Variants in ZNF37A observed in about 807,000 individuals in gnomAD.
The protein encoded by ZNF37A is zinc finger protein 37A.
Under a neutral mutation model 12.3 loss-of-function variants are expected in ZNF37A, and 10 were observed. The ratio of observed to expected loss-of-function variants is 0.82; its 90% CI spans 0.50 to 1.38. The LOEUF (loss-of-function observed/expected upper bound fraction) is 1.38, where lower values mean the gene tolerates loss of function less well. ZNF37A is among the 40% of genes most tolerant of loss of function. ZNF37A has a pLI of 0.00. For missense variants in ZNF37A, 580 were observed against 651.2 expected (o/e 0.89, Z 1.19); for synonymous variants, 207 against 223.0 (o/e 0.93, Z 0.64).
intron 5 of ZNF37A, among the ~76,000 whole-genome samples, chr10:38,112,767 T>TGGTC (rs1362946429): frequency 1.6e-5 from 1 of 63,104 alleles, no homozygotes; most frequent in African/African-American, 5.6e-5. Flanking sequence ...TTTCTTTTCT[T>TGGTC]TTCTTTTCTT....
rs2069473866 is a variant in ZNF37A, at chr10:38,118,467, A to T, written c.1316A>T (p.Tyr439Phe). ...AGAACTCACACAGGTGAGAAACCTT[A>T]TGAATGTATTCAGTGTGGAAAATTT... ...HLRTHTGEKPYECIQCGKFFC... is the reference protein window; with the variant it reads ...HLRTHTGEKPFECIQCGKFFC... The change falls in exon 8 of 8, where the codon TAT becomes TTT. Residue 439 changes from tyrosine (Y) to phenylalanine (F), a missense_variant. Tyr to Phe is a conservative substitution (Grantham distance 22, BLOSUM62 3). Transcript: ENST00000685332. 1.9e-6 allele frequency: 3 copies of T among 1,614,084 alleles called. No individual in the cohort carries two copies. Among genetic ancestry groups the T allele is most frequent in the Middle Eastern group, 1.7e-4 (1 of 6,060 alleles).
chr10:38,120,300 A>G lies in ZNF37A; in HGVS notation c.*1463A>G, dbSNP rs1428043241. 1 of 152,048 alleles carries G rather than the reference A, an allele frequency of 6.6e-6. No individual in the cohort carries two copies. The highest frequency in any genetic ancestry group is 1.5e-5 in the Non-Finnish European group (1 of 68,012). The allele number at this position is 152,048 out of a possible 1,614,324, so 9.4% of individuals were successfully genotyped here. On this transcript the variant is annotated 3_prime_UTR_variant, in exon 8 of 8. Coordinates refer to ENST00000685332, the MANE Select transcript of ZNF37A (RefSeq NM_001324250.3). Reference sequence around the variant, plus strand: ...AAAAATTAGCCGGGCATGGTGGTGCACATCGGTAGTCCTGGCTACTAGAGA... The same window carrying G: ...AAAAATTAGCCGGGCATGGTGGTGCGCATCGGTAGTCCTGGCTACTAGAGA...
At chr10:38,100,640 C>G (rs762689372) in intron 5 of ZNF37A, among the ~76,000 whole-genome samples, 1 of 152,146 alleles carries the variant, frequency 6.6e-6, no homozygotes, top group Non-Finnish European at 1.5e-5. Context: ...TTGCTGTTAT[C>G]CTGTTCTTTT....
chr10:38,129,363 G>A (rs956891639), downstream of ZNF37A, among the ~76,000 whole-genome samples: 3 of 143,910 alleles, frequency 2.1e-5, no homozygotes, highest in Admixed American at 2.2e-4. Flanking sequence ...AGGTTCAGGG[G>A]TATATGTGCA....
chr10:38,103,686 A>C (rs2067784019), intron 5 of ZNF37A, among the ~76,000 whole-genome samples: 1 of 152,130 alleles, frequency 6.6e-6, no homozygotes, highest in Non-Finnish European at 1.5e-5. Context: ...TTTCCTCAGA[A>C]TTTGTTGTTG....
intron 5 of ZNF37A, among the ~76,000 whole-genome samples, chr10:38,110,410 C>A (rs563953792): frequency 6.6e-6 from 1 of 152,266 alleles, no homozygotes; most frequent in Non-Finnish European, 1.5e-5. Context: ...CAATATCATT[C>A]AGTACATAGG....
chr10:38,134,560 T>C (rs2070080600), intron 7 of ZNF37A, among the ~76,000 whole-genome samples: 1 of 152,224 alleles, frequency 6.6e-6, no homozygotes, highest in Non-Finnish European at 1.5e-5. Flanking sequence ...GGAGGTCCAC[T>C]CCAGACTCTG....
At chr10:38,114,519 A>G (rs1428859347) in intron 5 of ZNF37A, among the ~76,000 whole-genome samples, 1 of 152,250 alleles carries the variant, frequency 6.6e-6, no homozygotes, top group Non-Finnish European at 1.5e-5. Flanking sequence ...CTCTAGGCAC[A>G]TGTAGGCACT....
At chr10:38,112,730 A>ATTTTC (rs545261135) in intron 5 of ZNF37A, among the ~76,000 whole-genome samples, 2,604 of 77,374 alleles carry the variant, frequency 0.034, 121 homozygotes, top group East Asian at 0.048. Flanking sequence ...TTTTACATCC[A>ATTTTC]TTTTCTTTTC....
intron 7 of ZNF37A, among the ~76,000 whole-genome samples, chr10:38,131,781 A>G (rs2070031143): frequency 6.6e-6 from 1 of 152,178 alleles, no homozygotes; most frequent in South Asian, 2.1e-4. Context: ...ATGTCTGTCC[A>G]TTTATTCGTT....
chr10:38,144,239 C>T (rs1156882411), intron 7 of ZNF37A: 1 of 151,934 alleles, frequency 6.6e-6, no homozygotes, highest in Non-Finnish European at 1.5e-5. Flanking sequence ...AAAGTTGTAT[C>T]GTAATGTATT....
At chr10:38,101,302 CTTTAAT>C (rs2067548828) in intron 5 of ZNF37A, among the ~76,000 whole-genome samples, 1 of 151,180 alleles carries the variant, frequency 6.6e-6, no homozygotes, top group African/African-American at 2.4e-5. Flanking sequence ...AGTTTTGTAA[CTTTAAT>C]TTTAATTCTT....
chr10:38,096,682 T>C, intron 5 of ZNF37A, 50 bp downstream of exon 5: 1 of 1,564,114 alleles, frequency 6.4e-7, no homozygotes, highest in Non-Finnish European at 8.8e-7. Flanking sequence ...TTATTGAGGT[T>C]TAAAAAATGT....
chr10:38,105,414 C>T (rs2067982315), intron 5 of ZNF37A, among the ~76,000 whole-genome samples: 1 of 152,136 alleles, frequency 6.6e-6, no homozygotes, highest in Admixed American at 6.6e-5. Context: ...ATATTCAAAT[C>T]AGATTTGATG....
Position 38,119,490 on chromosome 10 carries a change from G to A in ZNF37A, c.*653G>A, listed in dbSNP as rs2069566137. 6.7e-6 allele frequency: 5 copies of A among 750,234 alleles called. No homozygotes were observed. The highest frequency in any genetic ancestry group is 1.9e-5 in the African/African-American group (1 of 52,532). The allele number at this position is 750,234 out of a possible 1,614,324, so 46.5% of individuals were successfully genotyped here. ...GAAAGTATTTTTAACTGTATCCAAT[G>A]TGTGGATGTTTTAAGTTAAAATCTA... On this transcript the variant is annotated 3_prime_UTR_variant, in exon 8 of 8. Transcript: ENST00000685332.
intron 5 of ZNF37A, among the ~76,000 whole-genome samples, chr10:38,108,510 T>TA (rs1402594165): frequency 6.6e-6 from 1 of 151,918 alleles, no homozygotes; most frequent in Non-Finnish European, 1.5e-5. Context: ...CTGACGGAGA[T>TA]AGAGATACGA....
intron 7 of ZNF37A, among the ~76,000 whole-genome samples, chr10:38,132,350 A>C (rs1264186420): frequency 6.6e-6 from 1 of 152,130 alleles, no homozygotes; most frequent in Non-Finnish European, 1.5e-5. Flanking sequence ...GTATCAACTG[A>C]AACGATCATG....
At chr10:38,145,216 GA>G (rs11308253) in intron 7 of ZNF37A, among the ~76,000 whole-genome samples, 73,152 of 151,800 alleles carry the variant, frequency 0.48, 17,799 homozygotes, top group East Asian at 0.54. Context: ...CGGATCCAGG[GA>G]AAAAAAGGAT....
chr10:38,130,879 G>A (rs1276369183), intron 7 of ZNF37A, among the ~76,000 whole-genome samples: 4 of 151,942 alleles, frequency 2.6e-5, no homozygotes, highest in South Asian at 2.1e-4. Context: ...TCCATTTTTC[G>A]TTAGCATACA....
Sources: gnomAD v4.1 joint callset for allele counts (sites outside exome capture counted in the v4.1 genomes callset) on GRCh38, gnomAD v4.1.1 for gene constraint, MANE v1.5 for transcripts, NCBI Gene and HGNC (gene_info 2026-07-23, HGNC 2026-07-21) for gene names.